The following SPPL2A variants were observed in gnomAD, a reference collection of about 807,000 sequenced individuals.
The protein encoded by SPPL2A is signal peptide peptidase-like 2A.
SPPL2A carries 51 observed loss-of-function variants against 63.8 expected under a neutral mutation model. The ratio of observed to expected loss-of-function variants is 0.80; its 90% confidence interval spans 0.64 to 1.01. The LOEUF is 1.01. SPPL2A is among the 50% of genes least tolerant of loss of function. SPPL2A has a pLI of 0.00. For missense variants in SPPL2A, 553 were observed against 622.7 expected, an observed-to-expected ratio of 0.89 and a Z score of 1.19; for synonymous variants, 188 against 205.8, an observed-to-expected ratio of 0.91 and a Z score of 0.74.
At chr15:50,763,185 A>G (rs144327777) in intron 1 of SPPL2A, among the ~76,000 whole-genome samples, 193 of 152,274 alleles carry the variant, frequency 1.3e-3, no homozygotes, top group African/African-American at 4.5e-3. Context: ...AGAAAATGGT[A>G]GAAGACTTCA....
intron 8 of SPPL2A, 22 bp from the exon 9 acceptor site, chr15:50,732,706 C>T: frequency 7.0e-7 from 1 of 1,431,512 alleles, no homozygotes; most frequent in Non-Finnish European, 9.8e-7. Context: ...AAATATTACT[C>T]TATTGCTTTA....
intron 1 of SPPL2A, among the ~76,000 whole-genome samples, chr15:50,761,002 T>TTG (rs34019001): frequency 0.035 from 5,279 of 150,296 alleles, 108 homozygotes; most frequent in Middle Eastern, 0.11. Context: ...ATTTTTTCAT[T>TTG]TGTGTGTGTG....
Position 50,706,704 on chromosome 15 carries a change from A to T in SPPL2A, c.*1096T>A, listed in dbSNP as rs1020814410. ...AATACATAATTTCTTAAGAAAAATA[A>T]TTTTTTTAAAAAATCAAACCTTAAC... On this transcript the variant is annotated 3_prime_UTR_variant, in exon 15 of 15. Coordinates refer to ENST00000261854, the MANE Select transcript of SPPL2A (RefSeq NM_032802.4). 5 of 152,088 alleles carry T rather than the reference A, an allele frequency of 3.3e-5. No individual in the cohort carries two copies. The highest frequency in any genetic ancestry group is 4.8e-5 in the African/African-American group (2 of 41,416). The allele number at this position is 152,088 out of a possible 1,614,324, so 9.4% of individuals were successfully genotyped here. A position where few individuals can be genotyped will look rare whatever the true frequency, so the allele number is the denominator to read the frequency against.
intron 10 of SPPL2A, among the ~76,000 whole-genome samples, chr15:50,729,592 G>C (rs2062714840): frequency 6.6e-6 from 1 of 152,032 alleles, no homozygotes; most frequent in South Asian, 2.1e-4. Flanking sequence ...CTGAACTCCA[G>C]CTTGGGCGGC....
intron 5 of SPPL2A, among the ~76,000 whole-genome samples, chr15:50,740,575 A>G (rs747108876): frequency 1.3e-5 from 2 of 152,076 alleles, no homozygotes; most frequent in Non-Finnish European, 2.9e-5. Context: ...CAAACTTACT[A>G]TTATCAACTT....
chr15:50,717,655 TC>T (rs1282602254), intron 14 of SPPL2A, among the ~76,000 whole-genome samples: 1 of 152,134 alleles, frequency 6.6e-6, no homozygotes, highest in Non-Finnish European at 1.5e-5. Flanking sequence ...TTCCTGTAAC[TC>T]CCGTAACCCT....
chr15:50,741,248 G>T (rs1366705785), intron 5 of SPPL2A, among the ~76,000 whole-genome samples: 1 of 151,734 alleles, frequency 6.6e-6, no homozygotes, highest in Non-Finnish European at 1.5e-5. Flanking sequence ...TCTAAACTCT[G>T]CTCCCTCCTG....
At chr15:50,729,832 T>C (rs542873312) in intron 10 of SPPL2A, among the ~76,000 whole-genome samples, 54 of 152,194 alleles carry the variant, frequency 3.5e-4, no homozygotes, top group Middle Eastern at 3.4e-3. Context: ...ATAGGTTTAA[T>C]GAATGGGTAA....
intron 1 of SPPL2A, among the ~76,000 whole-genome samples, chr15:50,763,343 G>A (rs1253686050): frequency 6.6e-6 from 1 of 151,998 alleles, no homozygotes; most frequent in Non-Finnish European, 1.5e-5. Context: ...GAACCAAGAA[G>A]AAAACAAATC....
At chr15:50,734,241 C>A (rs1291402173) in intron 8 of SPPL2A, among the ~76,000 whole-genome samples, 1 of 152,252 alleles carries the variant, frequency 6.6e-6, no homozygotes, top group Admixed American at 6.5e-5. Flanking sequence ...ATGGAATCAA[C>A]CTAAGTGTCC....
At chr15:50,734,585 T>A (rs1231109133) in intron 8 of SPPL2A, among the ~76,000 whole-genome samples, 1 of 152,118 alleles carries the variant, frequency 6.6e-6, no homozygotes, top group African/African-American at 2.4e-5. Context: ...TATAGCTAAA[T>A]AAAATAAATA....
At chr15:50,709,529 C>T (rs565980347) in intron 14 of SPPL2A, among the ~76,000 whole-genome samples, 7 of 152,042 alleles carry the variant, frequency 4.6e-5, no homozygotes, top group East Asian at 1.9e-4. Context: ...CGGTGGCTCA[C>T]GCCTGTAATC....
chr15:50,765,354 C>G (rs1039626899), intron 1 of SPPL2A, 114 bp downstream of exon 1: 1 of 689,394 alleles, frequency 1.5e-6, no homozygotes, highest in African/African-American at 1.9e-5. Flanking sequence ...GAGAGCAGGC[C>G]GCGGAGGTGC....
At position 50,731,013 on chromosome 15, in the gene SPPL2A, G is replaced by C. The variant is rs1251632742; in HGVS notation, c.1041C>G (p.Leu347=). The change falls in exon 10 of 15, where the codon CTC becomes CTG. Residue 347 remains leucine, a synonymous_variant. Transcript: ENST00000261854. ...AAACAAAAAATACATCATAGAGGAG[G>C]AGAAGGCCTAGAAGTATCACACATG... ...FKSCVILLGL[L]LLYDVFFVFI... is the part of the protein sequence containing the mutation. The C allele has an allele frequency of 6.6e-7, 1 of 1,511,240 alleles. No individual in the cohort carries two copies. Among genetic ancestry groups the C allele is most frequent in the Admixed American group, 1.7e-5 (1 of 59,392 alleles). The allele number at this position is 1,511,240 out of a possible 1,614,324, so 93.6% of individuals were successfully genotyped here.
Position 50,749,712 on chromosome 15 carries a change from C to T in SPPL2A, c.101G>A (p.Gly34Glu), listed in dbSNP as rs145832874. The T allele has an allele frequency of 1.4e-3, 2,223 of 1,613,678 alleles. 15 individuals are homozygous for T. The highest frequency in any genetic ancestry group is 6.8e-3 in the South Asian group (623 of 91,066). ...AAQEAILHASGNGTTKDYCML... is the reference protein window; with the variant it reads ...AAQEAILHASENGTTKDYCML... The stretch of plus-strand genomic sequence containing the variant: ...GCAGTAGTCCTTGGTTGTGCCATTT[C>T]CAGACGCATGCAAGATTGCTTCCTG... Residue 34 changes from glycine to glutamate, a missense_variant, in exon 2 of 15, where the codon GGA becomes GAA. By Grantham distance (98) the Gly-to-Glu change is moderately conservative (BLOSUM62 -2). Transcript: ENST00000261854.
chr15:50,714,182 C>T (rs748203152), intron 14 of SPPL2A, among the ~76,000 whole-genome samples: 6 of 152,178 alleles, frequency 3.9e-5, no homozygotes, highest in Non-Finnish European at 7.3e-5. Context: ...TGTTTTTATA[C>T]GCTTTTAAAC....
intron 1 of SPPL2A, among the ~76,000 whole-genome samples, chr15:50,756,820 G>A (rs1201763924): frequency 1.3e-5 from 2 of 152,122 alleles, no homozygotes; most frequent in East Asian, 3.9e-4. Context: ...CCAAAAGGAT[G>A]AGGTCAGTCT....
intron 13 of SPPL2A, 106 bp from the exon 14 acceptor site, chr15:50,720,206 T>C: frequency 1.2e-6 from 1 of 840,752 alleles, no homozygotes; most frequent in East Asian, 2.6e-5. Flanking sequence ...GAGGATATTT[T>C]TGCTCTATGA....
intron 8 of SPPL2A, among the ~76,000 whole-genome samples, chr15:50,734,731 A>G (rs2062756907): frequency 6.6e-6 from 1 of 152,222 alleles, no homozygotes; most frequent in Admixed American, 6.5e-5. Context: ...GGATACCACT[A>G]TTACTCTGAT....
Sources: gnomAD v4.1 joint callset for allele counts (sites outside exome capture counted in the v4.1 genomes callset) on GRCh38, gnomAD v4.1.1 for gene constraint, MANE v1.5 for transcripts, NCBI Gene and HGNC (gene_info 2026-07-23, HGNC 2026-07-21) for gene names.